DENND4C: variants seen among roughly 807,000 people sequenced by gnomAD.
The protein encoded by DENND4C is DENN domain-containing protein 4C.
In DENND4C, 108 loss-of-function variants were observed where a neutral mutation model predicts 203.0. The observed-to-expected ratio is 0.53, with a 90% confidence interval of 0.46 to 0.62. The LOEUF is 0.62. Among genes scored for constraint, DENND4C ranks in the 20% least tolerant of loss-of-function variants. DENND4C has a pLI of 0.00. For missense variants in DENND4C, 2,481 were observed against 2,301.2 expected (o/e 1.08, Z -1.60); for synonymous variants, 871 against 792.4 (o/e 1.10, Z -1.67).
chr9:19,357,033 A>G lies in DENND4C; in HGVS notation c.4843A>G (p.Asn1615Asp), dbSNP rs756482962. ...SLQSGSIPLA[N>D]ESLEHKPVSS... ...ACAAAGTGGAAGCATTCCATTGGCAAATGAATCCTTGGAGCACAAACCTGT... is the reference window on the plus strand; with the variant it reads ...ACAAAGTGGAAGCATTCCATTGGCAGATGAATCCTTGGAGCACAAACCTGT... The change falls in exon 27 of 33, where the codon AAT becomes GAT. Residue 1615 changes from asparagine (N) to aspartate (D), a missense_variant. Physicochemically the swap from Asn to Asp is conservative, Grantham distance 23 (BLOSUM62 1). Transcript: ENST00000434457. The G allele has an allele frequency of 1.1e-5, 17 of 1,613,906 alleles. No individual in the cohort carries two copies. The South Asian group carries it at 1.6e-4, about 16-fold the overall frequency.
At chr9:19,342,188 G>A (rs12000145) in intron 21 of DENND4C, among the ~76,000 whole-genome samples, 303 of 151,292 alleles carry the variant, frequency 2.0e-3, no homozygotes, top group African/African-American at 6.9e-3. Context: ...ACTCATTAAG[G>A]CAGAGATAAT....
At chr9:19,272,993 G>C (rs1172607774) in intron 1 of DENND4C, among the ~76,000 whole-genome samples, 1 of 141,536 alleles carries the variant, frequency 7.1e-6, no homozygotes, top group Non-Finnish European at 1.5e-5. Flanking sequence ...CTGTCACCCA[G>C]GCTGGAGTGC....
chr9:19,321,986 A>G (rs1034638152), intron 12 of DENND4C, among the ~76,000 whole-genome samples: 6 of 152,208 alleles, frequency 3.9e-5, no homozygotes, highest in Admixed American at 3.9e-4. Context: ...AATAAAGGAT[A>G]GCTGTTAAAG....
chr9:19,284,662 A>C (rs1312321443), intron 2 of DENND4C, among the ~76,000 whole-genome samples: 1 of 152,088 alleles, frequency 6.6e-6, no homozygotes, highest in South Asian at 2.1e-4. Flanking sequence ...ATGGTGTATC[A>C]GAGTAATTTC....
intron 24 of DENND4C, among the ~76,000 whole-genome samples, 155 bp downstream of exon 24, chr9:19,351,034 A>G (rs904808396): frequency 6.6e-6 from 1 of 151,910 alleles, no homozygotes; most frequent in African/African-American, 2.4e-5. Flanking sequence ...AAGTGCTGGG[A>G]TTACAAGCGT....
chr9:19,342,271 A>G (rs186796321), intron 21 of DENND4C, among the ~76,000 whole-genome samples: 2 of 152,220 alleles, frequency 1.3e-5, no homozygotes, highest in East Asian at 1.9e-4. Context: ...CCTGTTCTCT[A>G]TCACAAAAGT....
At chr9:19,243,501 G>C (rs1386297850) in intron 1 of DENND4C, among the ~76,000 whole-genome samples, 1 of 152,112 alleles carries the variant, frequency 6.6e-6, no homozygotes, top group African/African-American at 2.4e-5. Context: ...CGCTGTACCC[G>C]TTAAGCAGTC....
chr9:19,361,807 A>T (rs1826547796), intron 29 of DENND4C, 39 bp from the exon 30 acceptor site: 1 of 1,235,086 alleles, frequency 8.1e-7, no homozygotes, highest in Non-Finnish European at 1.2e-6. Context: ...GGTAATTGTT[A>T]TTCTCGGGAT....
chr9:19,324,477 A>G lies in DENND4C; in HGVS notation c.1923A>G (p.Gly641=), dbSNP rs539339101. 7 of 1,607,682 alleles carry G rather than the reference A, an allele frequency of 4.4e-6. No homozygotes were observed. The East Asian group carries it at 1.3e-4, about 31-fold the overall frequency. Residue 641 remains glycine, a synonymous_variant, in exon 13 of 33, where the codon GGA becomes GGG. Coordinates refer to ENST00000434457, the MANE Select transcript of DENND4C (RefSeq NM_001330640.2). ...GTTTTGTAAGTGATAAAGATACTGG[A>G]TTAGCATTTTTTGATGACTGCATAG... ...ECSFVSDKDT[G]LAFFDDCIEK...
In DENND4C at chr9:19,230,728, G is replaced by C. The variant is rs929515437; in HGVS notation, c.-123G>C. The C allele has an allele frequency of 1.3e-5, 2 of 152,234 alleles. No individual in the cohort carries two copies. The highest frequency in any genetic ancestry group is 4.8e-5 in the African/African-American group (2 of 41,454). 9.4% of individuals were successfully genotyped at this position (152,234 alleles called of 1,614,324 possible). ...GAGGCGGCGGCGGCCGCTGGAGCTA[G>C]TCCCCCGCCCTGCCCTGCCGAGCGC... is the stretch of plus-strand genomic sequence containing the variant. On this transcript the variant is annotated 5_prime_UTR_variant, in exon 1 of 33. Transcript: ENST00000434457.
intron 10 of DENND4C, among the ~76,000 whole-genome samples, chr9:19,311,374 C>T (rs752514237): frequency 1.4e-4 from 21 of 152,162 alleles, no homozygotes; most frequent in Non-Finnish European, 2.6e-4. Flanking sequence ...GATCCGCCCA[C>T]CTCGGCCTCC....
intron 13 of DENND4C, among the ~76,000 whole-genome samples, chr9:19,325,424 A>C (rs1843561909): frequency 6.6e-6 from 1 of 152,148 alleles, no homozygotes; most frequent in Non-Finnish European, 1.5e-5. Flanking sequence ...ATAACATTTG[A>C]GATTGTATCC....
chr9:19,323,287 A>G (rs1318051673), intron 12 of DENND4C, among the ~76,000 whole-genome samples: 2 of 152,056 alleles, frequency 1.3e-5, no homozygotes, highest in African/African-American at 4.8e-5. Flanking sequence ...AAAATTAGCC[A>G]GTCGTGGTGA....
At chr9:19,251,605 C>T (rs914939478) in intron 1 of DENND4C, among the ~76,000 whole-genome samples, 2 of 152,150 alleles carry the variant, frequency 1.3e-5, no homozygotes, top group Non-Finnish European at 2.9e-5. Context: ...GCTCTGCTTC[C>T]CCTGTAAAAG....
chr9:19,320,474 C>T (rs1842702246), intron 12 of DENND4C, among the ~76,000 whole-genome samples: 1 of 152,244 alleles, frequency 6.6e-6, no homozygotes, highest in African/African-American at 2.4e-5. Context: ...GCTGGGATTA[C>T]AGGCGTGAGC....
chr9:19,346,062 C>A lies in DENND4C; in HGVS notation c.3293C>A (p.Ser1098Tyr). ...HFPERSCSFS[S>Y]ESRAGMLLKK... Reference sequence around the variant, plus strand: ...CCTGAGAGGAGTTGTAGTTTTAGTTCTGAAAGTCGAGCAGGAATGTTGCTT... The same window carrying A: ...CCTGAGAGGAGTTGTAGTTTTAGTTATGAAAGTCGAGCAGGAATGTTGCTT... Residue 1098 changes from serine to tyrosine, a missense_variant, in exon 23 of 33, where the codon TCT becomes TAT. Ser to Tyr is a moderately radical substitution (Grantham distance 144, BLOSUM62 -2). Coordinates refer to ENST00000434457, the MANE Select transcript of DENND4C (RefSeq NM_001330640.2). The A allele has an allele frequency of 6.2e-7, 1 of 1,614,124 alleles. No homozygotes were observed.
chr9:19,339,207 T>C (rs1821097758), intron 20 of DENND4C, among the ~76,000 whole-genome samples: 1 of 152,208 alleles, frequency 6.6e-6, no homozygotes, highest in Non-Finnish European at 1.5e-5. Context: ...ATTATTTCAG[T>C]GGCATTTTCT....
At chr9:19,341,687 A>T (rs1821695912) in intron 21 of DENND4C, among the ~76,000 whole-genome samples, 1 of 152,178 alleles carries the variant, frequency 6.6e-6, no homozygotes, top group Non-Finnish European at 1.5e-5. Flanking sequence ...ATTTGCCAAA[A>T]TTACATAGCT....
Position 19,372,286 on chromosome 9 carries a change from A to C in DENND4C, c.*113A>C. The C allele has an allele frequency of 8.0e-7, 1 of 1,254,862 alleles. No individual in the cohort carries two copies. The highest frequency in any genetic ancestry group is 1.1e-6 in the Non-Finnish European group (1 of 904,242). 77.7% of individuals were successfully genotyped at this position (1,254,862 alleles called of 1,614,324 possible). On this transcript the variant is annotated 3_prime_UTR_variant, in exon 33 of 33. Transcript: ENST00000434457. Reference sequence around the variant, plus strand: ...AACTGGTGAATACGGAATTGAAGTAACTCTTGGGGACAATATATAATGAAT... The same window carrying C: ...AACTGGTGAATACGGAATTGAAGTACCTCTTGGGGACAATATATAATGAAT...
Sources: allele counts gnomAD v4.1 joint callset (sites outside exome capture counted in the v4.1 genomes callset), GRCh38; gene constraint gnomAD v4.1.1; transcripts MANE v1.5; gene names NCBI Gene and HGNC (gene_info 2026-07-23, HGNC 2026-07-21).